Variants in KLF12 observed in about 807,000 individuals in gnomAD.
The protein encoded by KLF12 is Krueppel-like factor 12.
In KLF12, 9 loss-of-function variants were observed where a neutral mutation model predicts 37.8. That is an observed-to-expected ratio of 0.24 (90% CI 0.14 to 0.42). The LOEUF is 0.42. Among genes scored for constraint, KLF12 ranks in the 10% least tolerant of loss-of-function variants. The pLI, the probability that KLF12 is intolerant of heterozygous loss-of-function variation, is 1.00. For synonymous variants in KLF12, 208 were observed against 202.1 expected, an observed-to-expected ratio of 1.03 and a Z score of -0.25; for missense variants, 411 against 516.0, an observed-to-expected ratio of 0.80 and a Z score of 1.97.
At chr13:74,103,800 T>C (rs1566213923) in intron 1 of KLF12, among the ~76,000 whole-genome samples, 1 of 152,220 alleles carries the variant, frequency 6.6e-6, no homozygotes, top group Non-Finnish European at 1.5e-5. Context: ...ATTACAATAC[T>C]ATCAAATGAA....
chr13:73,808,049 T>C (rs1882739983), intron 5 of KLF12, among the ~76,000 whole-genome samples: 1 of 152,208 alleles, frequency 6.6e-6, no homozygotes, highest in African/African-American at 2.4e-5. Context: ...AAAGACATCA[T>C]TATTTTGTCT....
chr13:74,177,584 T>C, the KLF12 span, among the ~76,000 whole-genome samples: 1 of 148,928 alleles, frequency 6.7e-6, no homozygotes, highest in Non-Finnish European at 1.5e-5. Flanking sequence ...GGGAAGTCAC[T>C]TTATTATTTT....
Position 73,846,316 on chromosome 13 carries a change from C to T in KLF12, c.181G>A (p.Val61Met). The change falls in exon 4 of 8, where the codon GTG becomes ATG. Residue 61 changes from valine to methionine, a missense_variant. By Grantham distance (21) the Val-to-Met change is conservative. Around this residue, in one of 2 missense-constraint regions of KLF12, gnomAD observed 351 missense variants for 397.8 expected, o/e 0.88. Transcript: ENST00000377669. ...GAGTCCTCCGGGGGCTCCCCTTTCA[C>T]ATTATTTAGCAACAGGGGAACGGCT... is the stretch of plus-strand genomic sequence containing the variant. The T allele has an allele frequency of 1.2e-6, 2 of 1,613,940 alleles. No homozygotes were observed. Among genetic ancestry groups the T allele is most frequent in the Non-Finnish European group, 1.7e-6 (2 of 1,179,984 alleles).
chr13:74,164,221 A>G, the KLF12 span, among the ~76,000 whole-genome samples: 7 of 152,198 alleles, frequency 4.6e-5, no homozygotes, highest in African/African-American at 1.7e-4. Context: ...TTCCCAAGAT[A>G]AAATAAAAAC....
chr13:74,023,488 C>T (rs754916794), intron 1 of KLF12, among the ~76,000 whole-genome samples: 11 of 152,154 alleles, frequency 7.2e-5, no homozygotes, highest in Admixed American at 1.3e-4. Flanking sequence ...GGTAGGGCCA[C>T]GTTCTCTCTG....
the KLF12 span, among the ~76,000 whole-genome samples, chr13:74,238,411 T>G: frequency 7.2e-6 from 1 of 138,218 alleles, no homozygotes; most frequent in Non-Finnish European, 1.5e-5. Context: ...CTTTTTTGGT[T>G]GTGTCTCTGC....
intron 4 of KLF12, among the ~76,000 whole-genome samples, chr13:73,825,184 GT>G (rs1236012278): frequency 6.6e-6 from 1 of 152,096 alleles, no homozygotes; most frequent in Non-Finnish European, 1.5e-5. Flanking sequence ...AAATTGGCTA[GT>G]CTCTGTGAAG....
At chr13:74,173,590 TACA>T in the KLF12 span, among the ~76,000 whole-genome samples, 1 of 152,200 alleles carries the variant, frequency 6.6e-6, no homozygotes, top group Non-Finnish European at 1.5e-5. Context: ...TTGAATGTAG[TACA>T]ACAACTTCTT....
chr13:73,789,093 C>A (rs1038183879), intron 5 of KLF12, among the ~76,000 whole-genome samples: 12 of 152,104 alleles, frequency 7.9e-5, no homozygotes, highest in African/African-American at 2.9e-4. Flanking sequence ...GTTAAGGGCA[C>A]AAATGATCTT....
intron 1 of KLF12, among the ~76,000 whole-genome samples, chr13:74,067,025 A>G (rs1462132215): frequency 1.3e-5 from 2 of 152,244 alleles, no homozygotes; most frequent in African/African-American, 4.8e-5. Context: ...AGGGACACAC[A>G]TAGCTAACTG....
intron 7 of KLF12, among the ~76,000 whole-genome samples, chr13:73,696,554 C>T (rs1023244344): frequency 6.6e-6 from 1 of 152,122 alleles, no homozygotes; most frequent in African/African-American, 2.4e-5. Flanking sequence ...AGGCTTGTCC[C>T]CATGCAACCC....
chr13:74,148,711 T>C, the KLF12 span, among the ~76,000 whole-genome samples: 2 of 152,186 alleles, frequency 1.3e-5, no homozygotes, highest in Non-Finnish European at 2.9e-5. Context: ...TTTCCTTCTC[T>C]TGCCTTCCAG....
At chr13:74,134,850 CG>C (rs1401120437), upstream of KLF12, among the ~76,000 whole-genome samples, 1 of 151,974 alleles carries the variant, frequency 6.6e-6, no homozygotes, top group Non-Finnish European at 1.5e-5. Context: ...CGCACCCGCC[CG>C]GGTGGGGGCG....
chr13:74,148,075 CTAATT>C, the KLF12 span, among the ~76,000 whole-genome samples: 1 of 151,980 alleles, frequency 6.6e-6, no homozygotes, highest in African/African-American at 2.4e-5. Context: ...CCACACCCAG[CTAATT>C]TATTTTTTGT....
At chr13:73,732,079 C>A (rs537732367) in intron 6 of KLF12, among the ~76,000 whole-genome samples, 1 of 121,346 alleles carries the variant, frequency 8.2e-6, no homozygotes, top group Non-Finnish European at 1.7e-5. Flanking sequence ...TAATTATTAA[C>A]CCTATTTTTT....
chr13:73,703,217 C>A (rs563186054), intron 7 of KLF12, among the ~76,000 whole-genome samples: 12 of 152,192 alleles, frequency 7.9e-5, no homozygotes, highest in African/African-American at 2.2e-4. Flanking sequence ...ATAATACCCA[C>A]TCAATAAAGG....
At chr13:74,121,426 G>A (rs1297664391) in intron 1 of KLF12, among the ~76,000 whole-genome samples, 3 of 151,756 alleles carry the variant, frequency 2.0e-5, no homozygotes, top group Non-Finnish European at 4.4e-5. Context: ...TACATTAAAA[G>A]AAAAGAAAAA....
intron 2 of KLF12, among the ~76,000 whole-genome samples, chr13:73,973,225 T>C (rs1159835074): frequency 3.9e-5 from 6 of 152,196 alleles, no homozygotes; most frequent in Non-Finnish European, 7.3e-5. Context: ...TGGAGAAATC[T>C]TAAGGTCTTT....
the KLF12 span, among the ~76,000 whole-genome samples, chr13:74,230,973 G>C: frequency 1.3e-5 from 2 of 151,368 alleles, no homozygotes; most frequent in Admixed American, 6.6e-5. Flanking sequence ...TTAGTCATTG[G>C]TCCTCATCTT....
Sources: allele counts gnomAD v4.1 joint callset (sites outside exome capture counted in the v4.1 genomes callset), GRCh38; gene constraint gnomAD v4.1.1; regional missense constraint gnomAD v4.1.1; transcripts MANE v1.5; gene names NCBI Gene and HGNC (gene_info 2026-07-23, HGNC 2026-07-21).